Variants in NPAS2 observed in about 807,000 individuals in gnomAD.
NPAS2 encodes the protein neuronal PAS domain-containing protein 2.
NPAS2 carries 23 observed loss-of-function variants against 107.5 expected under a neutral mutation model. The ratio of observed to expected loss-of-function variants is 0.21; its 90% confidence interval spans 0.15 to 0.30. The LOEUF is 0.30. NPAS2 is among the 10% of genes least tolerant of loss of function. NPAS2 has a pLI of 1.00. For missense variants in NPAS2, 756 were observed against 1,043.3 expected, an observed-to-expected ratio of 0.72 and a Z score of 3.79; for synonymous variants, 403 against 417.5, an observed-to-expected ratio of 0.97 and a Z score of 0.42.
chr2:100,987,873 T>C (rs1677866829), intron 16 of NPAS2: 3 of 629,644 alleles, frequency 4.8e-6, no homozygotes. Flanking sequence ...AGAGAGAGTG[T>C]CTCTCCAGCC....
chr2:100,884,908 C>T (rs1257207019), intron 1 of NPAS2, among the ~76,000 whole-genome samples: 27 of 151,476 alleles, frequency 1.8e-4, no homozygotes, highest in Admixed American at 1.6e-3. Flanking sequence ...GACATCTTGG[C>T]TCTCCCTAAC....
intron 15 of NPAS2, among the ~76,000 whole-genome samples, chr2:100,979,718 C>T (rs182368661): frequency 3.8e-4 from 57 of 151,800 alleles, no homozygotes; most frequent in African/African-American, 1.3e-3. Flanking sequence ...TTTGTGGAGA[C>T]GGGGTTTCGC....
intron 1 of NPAS2, among the ~76,000 whole-genome samples, chr2:100,842,390 G>A (rs1302783076): frequency 1.3e-5 from 2 of 152,068 alleles, no homozygotes; most frequent in Admixed American, 6.6e-5. Flanking sequence ...TGCATCGTGC[G>A]CCATCCCTTG....
chr2:100,906,875 A>G (rs1219689321), intron 2 of NPAS2, among the ~76,000 whole-genome samples: 1 of 152,224 alleles, frequency 6.6e-6, no homozygotes, highest in Non-Finnish European at 1.5e-5. Flanking sequence ...AAGTTCAACA[A>G]GGTTGAGTAC....
chr2:100,899,676 G>T (rs938483995), intron 1 of NPAS2, among the ~76,000 whole-genome samples: 1 of 152,102 alleles, frequency 6.6e-6, no homozygotes, highest in Admixed American at 6.6e-5. Flanking sequence ...TAAAAATGCG[G>T]TTTATTTTTT....
intron 1 of NPAS2, among the ~76,000 whole-genome samples, chr2:100,870,671 C>T (rs1435050333): frequency 2.6e-5 from 4 of 152,198 alleles, no homozygotes; most frequent in South Asian, 2.1e-4. Flanking sequence ...GGATTACAGG[C>T]GTGAGTCACC....
At chr2:100,830,834 C>G (rs960811846) in intron 1 of NPAS2, among the ~76,000 whole-genome samples, 1 of 152,200 alleles carries the variant, frequency 6.6e-6, no homozygotes, top group Admixed American at 6.5e-5. Context: ...CAGACAGCAT[C>G]ATACGTCCAC....
chr2:100,872,923 A>G (rs571266766), intron 1 of NPAS2, among the ~76,000 whole-genome samples: 1 of 152,260 alleles, frequency 6.6e-6, no homozygotes, highest in Non-Finnish European at 1.5e-5. Context: ...TCATCTGCAT[A>G]TCTATTGTGA....
intron 3 of NPAS2, among the ~76,000 whole-genome samples, chr2:100,929,832 C>T (rs1034893617): frequency 6.6e-6 from 1 of 152,074 alleles, no homozygotes; most frequent in Non-Finnish European, 1.5e-5. Context: ...TGCTTCCTGC[C>T]GTCATGCTAA....
At chr2:100,915,758 G>A (rs929798945) in intron 2 of NPAS2, among the ~76,000 whole-genome samples, 1 of 152,154 alleles carries the variant, frequency 6.6e-6, no homozygotes, top group Non-Finnish European at 1.5e-5. Flanking sequence ...AAAACTTCCT[G>A]TCAAGAGACC....
At chr2:100,934,353 T>C (rs2104950634) in intron 4 of NPAS2, among the ~76,000 whole-genome samples, 1 of 151,958 alleles carries the variant, frequency 6.6e-6, no homozygotes, top group Non-Finnish European at 1.5e-5. Flanking sequence ...CTATCAAAAG[T>C]ATTTGAGGAA....
chr2:100,847,585 T>C (rs868236052), intron 1 of NPAS2, among the ~76,000 whole-genome samples: 1 of 152,202 alleles, frequency 6.6e-6, no homozygotes, highest in Non-Finnish European at 1.5e-5. Flanking sequence ...TTAGCCAGGA[T>C]GGTCTCAATC....
chr2:100,928,191 CA>C (rs1683702924), intron 3 of NPAS2, among the ~76,000 whole-genome samples: 1 of 151,808 alleles, frequency 6.6e-6, no homozygotes, highest in South Asian at 2.1e-4. Flanking sequence ...GAGTAAAGAA[CA>C]TGTTAATTGC....
intron 7 of NPAS2, among the ~76,000 whole-genome samples, chr2:100,952,759 CT>C (rs779617503): frequency 2.8e-3 from 387 of 137,102 alleles, no homozygotes; most frequent in Non-Finnish European, 3.0e-3. Context: ...ATACCTGGGA[CT>C]TTTTTTTTTT....
intron 1 of NPAS2, among the ~76,000 whole-genome samples, chr2:100,827,232 C>T (rs1287214742): frequency 6.6e-6 from 1 of 152,140 alleles, no homozygotes; most frequent in East Asian, 1.9e-4. Context: ...TAGGCTGCCC[C>T]AAGCATTTCT....
At chr2:100,819,878 GCTGCGGCGGCCTGGGGACTCGCGGGTGT>G (rs1052582144), upstream of NPAS2, among the ~76,000 whole-genome samples, 3 of 152,082 alleles carry the variant, frequency 2.0e-5, no homozygotes, top group Non-Finnish European at 2.9e-5. This position sits in a 1 kb window ranked among gnomAD's most constrained non-coding sequence, Gnocchi z 5.8. Context: ...CCCAGCAGAG[GCTGCGGCGGCCTGGGGACTCGCGGGTGT>G]CTGCGCCGCC....
rs1011994422 is a variant in NPAS2, at chr2:100,986,351, G to A, written c.1630-1728G>A. Reference sequence around the variant, plus strand: ...GAACTGATCCGTAAGTCTCCCCAGCGCGCCTGCATGGTGGGATCCTCGCCT... The same window carrying A: ...GAACTGATCCGTAAGTCTCCCCAGCACGCCTGCATGGTGGGATCCTCGCCT... On this transcript the variant is annotated intron_variant, in intron 16 of 20. Coordinates refer to ENST00000335681, the MANE Select transcript of NPAS2 (RefSeq NM_002518.4). 4 of 152,186 alleles carry A rather than the reference G, an allele frequency of 2.6e-5. No individual in the cohort carries two copies. In the South Asian group the frequency reaches 6.2e-4, roughly 24 times the overall value. The allele number at this position is 152,186 out of a possible 1,614,324, so 9.4% of individuals were successfully genotyped here. A position where few individuals can be genotyped will look rare whatever the true frequency, so the allele number is the denominator to read the frequency against.
chr2:100,914,556 T>G (rs1410661993), intron 2 of NPAS2, among the ~76,000 whole-genome samples: 1 of 152,214 alleles, frequency 6.6e-6, no homozygotes, highest in East Asian at 1.9e-4. Context: ...TGTCATTCTC[T>G]TTGTTCTGCA....
intron 1 of NPAS2, among the ~76,000 whole-genome samples, chr2:100,869,528 G>A (rs1305547547): frequency 6.6e-6 from 1 of 152,230 alleles, no homozygotes; most frequent in East Asian, 1.9e-4. Flanking sequence ...AAACCACGCA[G>A]TGGGAATTTG....
Sources: gnomAD v4.1 joint callset for allele counts (sites outside exome capture counted in the v4.1 genomes callset) on GRCh38, gnomAD v4.1.1 for gene constraint, Gnocchi (gnomAD v3.1) non-coding constraint, MANE v1.5 for transcripts, NCBI Gene and HGNC (gene_info 2026-07-23, HGNC 2026-07-21) for gene names.